XRCC6: variants seen among roughly 807,000 people sequenced by gnomAD.
XRCC6 encodes DNA repair protein Ku70.
A neutral mutation model predicts 65.7 loss-of-function variants in XRCC6; 5 were observed. The ratio of observed to expected loss-of-function variants is 0.08; its 90% CI spans 0.04 to 0.16. XRCC6 has a LOEUF of 0.16. Among genes scored for constraint, XRCC6 ranks in the 10% least tolerant of loss-of-function variants. The pLI is 1.00. For synonymous variants in XRCC6, 270 were observed against 270.6 expected, an observed-to-expected ratio of 1.00 and a Z score of 0.02; for missense variants, 447 against 738.1, an observed-to-expected ratio of 0.61 and a Z score of 4.57.
At chr22:41,628,076 G>A (rs995026549) in intron 2 of XRCC6, 42 bp from the exon 3 acceptor site, 10 of 1,408,258 alleles carry the variant, frequency 7.1e-6, no homozygotes, top group Middle Eastern at 2.2e-4. Flanking sequence ...AAACAAATAC[G>A]AAAACAAGGA....
intron 3 of XRCC6, among the ~76,000 whole-genome samples, chr22:41,632,970 T>C (rs570615494): frequency 1.0e-4 from 15 of 148,332 alleles, no homozygotes; most frequent in African/African-American, 3.7e-4. Flanking sequence ...CTACTAAAAA[T>C]ACAAAAATTA....
At chr22:41,660,998 C>T (rs1187986089) in intron 11 of XRCC6, among the ~76,000 whole-genome samples, 1 of 151,206 alleles carries the variant, frequency 6.6e-6, no homozygotes, top group Non-Finnish European at 1.5e-5. Flanking sequence ...CGCGCCACTG[C>T]ACTCCAGCCT....
At chr22:41,631,762 G>A (rs2067755551) in intron 3 of XRCC6, among the ~76,000 whole-genome samples, 1 of 151,998 alleles carries the variant, frequency 6.6e-6, no homozygotes, top group African/African-American at 2.4e-5. Context: ...GGCACTTTGG[G>A]AGGCCAAGGC....
At chr22:41,629,128 ACAC>A (rs2067712465) in intron 3 of XRCC6, among the ~76,000 whole-genome samples, 1 of 152,170 alleles carries the variant, frequency 6.6e-6, no homozygotes, top group African/African-American at 2.4e-5. Flanking sequence ...AATTTAAAAA[ACAC>A]CAGCAGAAAA....
chr22:41,645,425 G>A (rs990093028), intron 6 of XRCC6, among the ~76,000 whole-genome samples: 5 of 152,028 alleles, frequency 3.3e-5, no homozygotes, highest in Non-Finnish European at 7.4e-5. Flanking sequence ...AGTGTCTTTA[G>A]GGTGCCATTA....
chr22:41,631,577 G>T (rs1184586698), intron 3 of XRCC6, among the ~76,000 whole-genome samples: 1 of 126,276 alleles, frequency 7.9e-6, no homozygotes, highest in Non-Finnish European at 1.7e-5. Flanking sequence ...ATGGGCGGCC[G>T]GGCAGAGACG....
intron 2 of XRCC6, among the ~76,000 whole-genome samples, chr22:41,624,472 G>T (rs1368699262): frequency 6.6e-6 from 1 of 151,676 alleles, no homozygotes; most frequent in African/African-American, 2.4e-5. Context: ...GGATCACAAG[G>T]TCGGGAGATA....
chr22:41,646,432 C>T (rs1488252467), intron 6 of XRCC6, among the ~76,000 whole-genome samples: 4 of 151,998 alleles, frequency 2.6e-5, no homozygotes, highest in Non-Finnish European at 2.9e-5. Context: ...TTTTATTATA[C>T]GGGTTGAGTG....
chr22:41,653,761 T>C, intron 9 of XRCC6, 71 bp downstream of exon 9: 5 of 1,527,940 alleles, frequency 3.3e-6, no homozygotes, highest in Non-Finnish European at 4.5e-6. Flanking sequence ...GGACTCCTAA[T>C]GCAGACCTAC....
chr22:41,646,747 T>C (rs2067936115), intron 6 of XRCC6, 149 bp from the exon 7 acceptor site: 1 of 644,696 alleles, frequency 1.6e-6, no homozygotes, highest in Admixed American at 2.9e-5. Flanking sequence ...GCAAATTCGA[T>C]TGTATTATTA....
chr22:41,639,174 A>G (rs2067845505), intron 6 of XRCC6, among the ~76,000 whole-genome samples: 2 of 152,122 alleles, frequency 1.3e-5, no homozygotes, highest in Non-Finnish European at 2.9e-5. Flanking sequence ...TACCTGCCTC[A>G]TTAGGTTACT....
Position 41,647,099 on chromosome 22 carries a change from T to TTTG in XRCC6, c.960+29_960+31dup, listed in dbSNP as rs375242008. On this transcript the variant is annotated intron_variant, in intron 7 of 12. Coordinates refer to ENST00000360079, the MANE Select transcript of XRCC6 (RefSeq NM_001469.5). The stretch of plus-strand genomic sequence containing the variant: ...AGGTCTCAGGTAGGTAGAGATGCCT[T>TTTG]TTGTTGTTGTTGTTTTTGAGACAGG... 2 of 1,610,836 alleles carry TTTG rather than the reference T, an allele frequency of 1.2e-6. No individual in the cohort carries two copies. Among genetic ancestry groups the TTTG allele is most frequent in the Non-Finnish European group, 1.7e-6 (2 of 1,178,362 alleles).
intron 10 of XRCC6, among the ~76,000 whole-genome samples, chr22:41,657,762 C>T (rs1477394318): frequency 6.6e-6 from 1 of 151,962 alleles, no homozygotes; most frequent in Non-Finnish European, 1.5e-5. Flanking sequence ...TCAAGCCATC[C>T]GCCTGCCTCA....
intron 2 of XRCC6, among the ~76,000 whole-genome samples, chr22:41,625,494 G>A (rs939673042): frequency 6.6e-6 from 1 of 152,196 alleles, no homozygotes; most frequent in African/African-American, 2.4e-5. Context: ...GCTGGGCATA[G>A]TGGCACATGC....
chr22:41,655,209 T>C (rs1190363280), intron 9 of XRCC6, among the ~76,000 whole-genome samples: 1 of 152,022 alleles, frequency 6.6e-6, no homozygotes, highest in Non-Finnish European at 1.5e-5. Flanking sequence ...TTCCTTTAAA[T>C]GAAAAGGTGA....
chr22:41,628,026 G>T, intron 2 of XRCC6, 92 bp from the exon 3 acceptor site: 1 of 805,016 alleles, frequency 1.2e-6, no homozygotes, highest in South Asian at 1.8e-5. Flanking sequence ...AATTTATTAG[G>T]TTATACTTTC....
chr22:41,637,933 G>A (rs915724831), intron 6 of XRCC6, 142 bp downstream of exon 6: 1 of 770,566 alleles, frequency 1.3e-6, no homozygotes, highest in Non-Finnish European at 1.9e-6. Context: ...AGACCAGCTT[G>A]GGCAACATGG....
intron 3 of XRCC6, among the ~76,000 whole-genome samples, chr22:41,629,983 C>CTTTTTTT (rs60191841): frequency 5.3e-5 from 5 of 93,554 alleles, no homozygotes; most frequent in Non-Finnish European, 8.9e-5. Context: ...TGCATTTATG[C>CTTTTTTT]TTTTTTTTTT....
chr22:41,644,118 G>T (rs969367429), intron 6 of XRCC6, among the ~76,000 whole-genome samples: 1 of 151,946 alleles, frequency 6.6e-6, no homozygotes, highest in Non-Finnish European at 1.5e-5. Context: ...CTGCACTCCA[G>T]CCTGGGTGAC....
Sources: gnomAD v4.1 joint callset for allele counts (sites outside exome capture counted in the v4.1 genomes callset) on GRCh38, gnomAD v4.1.1 for gene constraint, MANE v1.5 for transcripts, NCBI Gene and HGNC (gene_info 2026-07-23, HGNC 2026-07-21) for gene names.